Variants in BHMT observed in about 807,000 individuals in gnomAD.
The protein encoded by BHMT is betaine--homocysteine S-methyltransferase, also known as betaine--homocysteine S-methyltransferase 1.
BHMT carries 38 observed loss-of-function variants against 49.5 expected under a neutral mutation model. The ratio of observed to expected loss-of-function variants is 0.77; its 90% CI spans 0.59 to 1.01. BHMT has a LOEUF of 1.01. Ranked by LOEUF, BHMT falls within the 50% of genes least tolerant of loss-of-function variation. The pLI is 0.00. For missense variants in BHMT, 426 were observed against 495.7 expected (o/e 0.86, Z 1.34); for synonymous variants, 166 against 176.3 (o/e 0.94, Z 0.46).
intron 1 of BHMT, among the ~76,000 whole-genome samples, chr5:79,114,433 G>A (rs986905240): frequency 2.0e-5 from 3 of 152,158 alleles, no homozygotes; most frequent in African/African-American, 7.2e-5. Context: ...GGCATGGGAA[G>A]GGGCAGTGGA....
intron 6 of BHMT, among the ~76,000 whole-genome samples, 174 bp from the exon 7 acceptor site, chr5:79,127,581 C>T (rs531367423): frequency 1.3e-5 from 2 of 152,264 alleles, no homozygotes; most frequent in East Asian, 3.9e-4. Context: ...AGGCTGGATA[C>T]CACAGCATGT....
At chr5:79,123,433 A>G (rs1756503354) in intron 5 of BHMT, among the ~76,000 whole-genome samples, 1 of 152,210 alleles carries the variant, frequency 6.6e-6, no homozygotes, top group Admixed American at 6.5e-5. Flanking sequence ...GCATCCAGAA[A>G]TAATCTCTCT....
intron 5 of BHMT, among the ~76,000 whole-genome samples, chr5:79,121,731 C>T (rs962206507): frequency 6.1e-5 from 9 of 148,252 alleles, no homozygotes; most frequent in South Asian, 2.2e-4. Flanking sequence ...AGGAGAATGG[C>T]GTGAACCCGG....
chr5:79,111,959 C>A, intron 1 of BHMT, 41 bp downstream of exon 1: 2 of 1,541,434 alleles, frequency 1.3e-6, no homozygotes, highest in Non-Finnish European at 1.7e-6. Context: ...CCTTCCCCTC[C>A]CACCTGCTCT....
chr5:79,115,741 T>C lies in BHMT; in HGVS notation c.34-26T>C, dbSNP rs542489636. The C allele has an allele frequency of 1.2e-5, 19 of 1,568,886 alleles. No homozygotes were observed. The African/African-American group carries it at 2.5e-4, about 20-fold the overall frequency. On this transcript the variant is annotated intron_variant, in intron 1 of 7. Transcript: ENST00000274353. ...TTATCTTAAACACTCAAGTAACTCCTTTTCCTCCCTCATCTGTAATTTTAG... is the reference window on the plus strand; with the variant it reads ...TTATCTTAAACACTCAAGTAACTCCCTTTCCTCCCTCATCTGTAATTTTAG...
chr5:79,127,719 G>C, intron 6 of BHMT, 36 bp from the exon 7 acceptor site: 1 of 1,602,734 alleles, frequency 6.2e-7, no homozygotes. Flanking sequence ...TGAAAAGAAT[G>C]TATAATGCCT....
Position 79,127,992 on chromosome 5 carries a change from C to T in BHMT, c.1037+9C>T. The T allele has an allele frequency of 6.2e-7, 1 of 1,605,048 alleles. No individual in the cohort carries two copies. Among genetic ancestry groups the T allele is most frequent in the Non-Finnish European group, 8.5e-7 (1 of 1,175,260 alleles). The stretch of plus-strand genomic sequence containing the variant: ...CCCTGGGTTAGAGCAAGGTAAGCAT[C>T]TTTTTACTAACCCAAACTAATTTAG... On this transcript the variant is annotated intron_variant, in intron 7 of 7. Transcript: ENST00000274353.
At chr5:79,128,905 C>A (rs1293468541) in intron 7 of BHMT, among the ~76,000 whole-genome samples, 1 of 152,064 alleles carries the variant, frequency 6.6e-6, no homozygotes, top group Non-Finnish European at 1.5e-5. Flanking sequence ...AATACGAAAG[C>A]CAATGTATTA....
intron 2 of BHMT, among the ~76,000 whole-genome samples, chr5:79,117,701 T>C (rs1756406995): frequency 6.6e-6 from 1 of 152,216 alleles, no homozygotes; most frequent in Non-Finnish European, 1.5e-5. Context: ...AGCTAAGAAC[T>C]TCAGTGTCCT....
rs561795200 is a variant in BHMT at position 79,128,219 on chromosome 5, A to T, written c.1037+236A>T. 1.8e-4 allele frequency: 113 copies of T among 613,906 alleles called. 1 individual carries two copies. The highest frequency in any genetic ancestry group is 1.2e-3 in the African/African-American group (62 of 53,800). 38.0% of individuals were successfully genotyped at this position (613,906 alleles called of 1,614,324 possible). A position where few individuals can be genotyped will look rare whatever the true frequency, so the allele number is the denominator to read the frequency against. The stretch of plus-strand genomic sequence containing the variant: ...TGAAAAGAAAAAGAAAAATTTTTTT[A>T]AAAATTGTTTTTAAATATAGGCTGG... On this transcript the variant is annotated intron_variant, in intron 7 of 7. Transcript: ENST00000274353.
Position 79,111,862 on chromosome 5 carries a change from A to G in BHMT, c.-24A>G, listed in dbSNP as rs766663340. On this transcript the variant is annotated 5_prime_UTR_variant, in exon 1 of 8. Coordinates refer to ENST00000274353, the MANE Select transcript of BHMT (RefSeq NM_001713.3). ...GCCTAGTCGGTCCGCATCCGTGTCG[A>G]CCACCTGTCTGGACACCACGAAGAT... 1.9e-6 allele frequency: 3 copies of G among 1,612,174 alleles called. No individual in the cohort carries two copies. The highest frequency in any genetic ancestry group is 3.3e-5 in the Admixed American group (2 of 59,926).
intron 7 of BHMT, 127 bp downstream of exon 7, chr5:79,128,110 G>A: frequency 8.5e-7 from 1 of 1,172,714 alleles, no homozygotes; most frequent in South Asian, 1.6e-5. Context: ...TTCTCTCCCA[G>A]AGATGTTTAC....
At chr5:79,116,617 C>T (rs1249394297) in intron 2 of BHMT, among the ~76,000 whole-genome samples, 2 of 152,184 alleles carry the variant, frequency 1.3e-5, no homozygotes, top group African/African-American at 4.8e-5. Flanking sequence ...AGAAATACTT[C>T]AGAATTTTAT....
chr5:79,112,929 A>C (rs949860750), intron 1 of BHMT, among the ~76,000 whole-genome samples: 5 of 152,186 alleles, frequency 3.3e-5, no homozygotes, highest in Non-Finnish European at 7.3e-5. Flanking sequence ...CAGGCCTGGC[A>C]CGACAGAGGC....
chr5:79,112,794 T>C (rs1326176347), intron 1 of BHMT, among the ~76,000 whole-genome samples: 1 of 152,154 alleles, frequency 6.6e-6, no homozygotes, highest in Non-Finnish European at 1.5e-5. Context: ...GGCCTTCCTC[T>C]AATTTGGGGA....
At chr5:79,122,705 T>A (rs73769971) in intron 5 of BHMT, among the ~76,000 whole-genome samples, 4,909 of 150,774 alleles carry the variant, frequency 0.033, 106 homozygotes, top group South Asian at 0.075. Context: ...ATCTGATGAA[T>A]ATATATATAT....
At chr5:79,125,097 T>C (rs1186121534) in intron 5 of BHMT, among the ~76,000 whole-genome samples, 2 of 152,174 alleles carry the variant, frequency 1.3e-5, no homozygotes, top group African/African-American at 4.8e-5. Context: ...CAACATAATG[T>C]CCAACGTTGA....
chr5:79,112,072 C>A (rs2112720263), intron 1 of BHMT, among the ~76,000 whole-genome samples, 154 bp downstream of exon 1: 2 of 152,242 alleles, frequency 1.3e-5, no homozygotes, highest in Middle Eastern at 6.8e-3. Flanking sequence ...GAATGTGCTT[C>A]CAGAACTTCT....
intron 2 of BHMT, among the ~76,000 whole-genome samples, chr5:79,118,327 C>T (rs1047666755): frequency 3.3e-5 from 5 of 151,884 alleles, no homozygotes; most frequent in Non-Finnish European, 5.9e-5. Flanking sequence ...AATTACCAGG[C>T]GTGGTGGCAG....
Sources: gnomAD v4.1 joint callset for allele counts (sites outside exome capture counted in the v4.1 genomes callset) on GRCh38, gnomAD v4.1.1 for gene constraint, MANE v1.5 for transcripts, NCBI Gene and HGNC (gene_info 2026-07-23, HGNC 2026-07-21) for gene names.